The following TNNI3K variants were observed in gnomAD, a reference collection of about 807,000 sequenced individuals.
TNNI3K encodes serine/threonine-protein kinase TNNI3K.
TNNI3K carries 140 observed loss-of-function variants against 114.5 expected under a neutral mutation model. The observed-to-expected ratio is 1.22, with a 90% CI of 1.07 to 1.41. The LOEUF (loss-of-function observed/expected upper bound fraction) is 1.41. TNNI3K is among the 40% of genes most tolerant of loss of function. TNNI3K has a pLI of 0.00. For synonymous variants in TNNI3K, 347 were observed against 347.5 expected (o/e 1.00, Z 0.02); for missense variants, 1,125 against 1,007.6 (o/e 1.12, Z -1.58).
intron 23 of TNNI3K, among the ~76,000 whole-genome samples, chr1:74,516,911 A>G (rs1312390478): frequency 6.6e-6 from 1 of 152,206 alleles, no homozygotes; most frequent in East Asian, 1.9e-4. Context: ...TGTTAACTAC[A>G]TGATAGACAG....
At position 74,470,245 on chromosome 1, in the gene TNNI3K, A is replaced by G. The variant is rs1367835962; in HGVS notation, c.2121+6695A>G. The stretch of plus-strand genomic sequence containing the variant: ...CTCCTCGGCAGAGCTTGCATCATGT[A>G]ATATATATTTTTCACTTGTTCCATT... On this transcript the variant is annotated intron_variant, in intron 21 of 24. Coordinates refer to ENST00000326637, the MANE Select transcript of TNNI3K (RefSeq NM_015978.3). The G allele has an allele frequency of 7.5e-6, 3 of 400,554 alleles. No homozygotes were observed. In the East Asian group the frequency reaches 1.1e-4, roughly 14 times the overall value. The allele number at this position is 400,554 out of a possible 1,614,324, so 24.8% of individuals were successfully genotyped here.
chr1:74,281,333 G>GTGTGT lies in TNNI3K; in HGVS notation c.444+9625_444+9626insTGTGT, dbSNP rs1557471487. ...GATTATACTATCACCCACAATAATA[G>GTGTGT]ATGTGTGTGTGTGTGTGTGTGTGTG... On this transcript the variant is annotated intron_variant, in intron 5 of 24. Transcript: ENST00000326637. 1.5e-4 allele frequency among the ~76,000 whole-genome samples: 3 copies of GTGTGT among 20,016 alleles called. No homozygotes were observed. The Admixed American group carries it at 2.0e-3, about 13-fold the overall frequency. The allele number at this position is 20,016 out of a possible 152,430, so 13.1% of individuals were successfully genotyped here. A position where few individuals can be genotyped will look rare whatever the true frequency, so the allele number is the denominator to read the frequency against.
chr1:74,304,199 A>C (rs965272912), intron 5 of TNNI3K, among the ~76,000 whole-genome samples: 5 of 152,238 alleles, frequency 3.3e-5, no homozygotes, highest in Non-Finnish European at 5.9e-5. Context: ...TACTGTGAGT[A>C]AAATGCTATT....
At chr1:74,435,515 G>A (rs909458709) in intron 17 of TNNI3K, among the ~76,000 whole-genome samples, 1 of 151,936 alleles carries the variant, frequency 6.6e-6, no homozygotes, top group African/African-American at 2.4e-5. Context: ...TGACCTTTAT[G>A]CTATTCTCCT....
At chr1:74,453,457 C>T (rs1003583759) in intron 20 of TNNI3K, among the ~76,000 whole-genome samples, 14 of 152,182 alleles carry the variant, frequency 9.2e-5, no homozygotes, top group East Asian at 7.7e-4. Context: ...CCATTTACAA[C>T]GAGGAACGAA....
intron 21 of TNNI3K, among the ~76,000 whole-genome samples, chr1:74,466,908 C>CT (rs1464494223): frequency 6.6e-6 from 1 of 152,148 alleles, no homozygotes; most frequent in African/African-American, 2.4e-5. Flanking sequence ...TTAAGACCTG[C>CT]TAGTTATATG....
intron 5 of TNNI3K, among the ~76,000 whole-genome samples, chr1:74,294,675 T>G (rs1657875439): frequency 6.6e-6 from 1 of 152,240 alleles, no homozygotes; most frequent in African/African-American, 2.4e-5. Context: ...ATCTCCAAAT[T>G]TATTGGCATA....
chr1:74,490,002 C>T (rs192381222), intron 22 of TNNI3K, among the ~76,000 whole-genome samples: 9 of 143,628 alleles, frequency 6.3e-5, no homozygotes, highest in Admixed American at 2.9e-4. Context: ...GAGATTGCAC[C>T]ACTAAGTCTC....
intron 4 of TNNI3K, among the ~76,000 whole-genome samples, chr1:74,271,227 C>A (rs1570400170): frequency 1.3e-5 from 2 of 151,958 alleles, no homozygotes; most frequent in South Asian, 4.1e-4. Context: ...AACCTTTAAA[C>A]TGTTACTGTA....
intron 5 of TNNI3K, among the ~76,000 whole-genome samples, chr1:74,281,810 T>TC (rs1657032354): frequency 2.6e-5 from 4 of 152,012 alleles, no homozygotes; most frequent in Non-Finnish European, 5.9e-5. Flanking sequence ...TGATTTGTTT[T>TC]ATCATATGGT....
At chr1:74,473,432 G>A (rs1668034362) in intron 21 of TNNI3K, among the ~76,000 whole-genome samples, 1 of 151,946 alleles carries the variant, frequency 6.6e-6, no homozygotes, top group African/African-American at 2.4e-5. Flanking sequence ...TTTTCATCCA[G>A]AGGAAGAAGT....
chr1:74,536,401 A>G (rs1337894204), intron 23 of TNNI3K, among the ~76,000 whole-genome samples: 2 of 152,192 alleles, frequency 1.3e-5, no homozygotes, highest in South Asian at 2.1e-4. Context: ...TCACTAGGAC[A>G]TCTATACCCC....
chr1:74,509,747 CTTTTTTTTTTTT>C (rs68193106), intron 23 of TNNI3K, among the ~76,000 whole-genome samples: 6 of 47,812 alleles, frequency 1.3e-4, no homozygotes, highest in African/African-American at 4.3e-4. Flanking sequence ...ATCTGAATTT[CTTTTTTTTTTTT>C]TTTTTTTTTT....
intron 24 of TNNI3K, among the ~76,000 whole-genome samples, chr1:74,540,761 A>T (rs1398485282): frequency 9.5e-5 from 3 of 31,426 alleles, no homozygotes; most frequent in African/African-American, 2.7e-4. Context: ...ATGTTGGGAG[A>T]GCTGTTCCCC....
At chr1:74,305,248 T>C (rs1233922838) in intron 5 of TNNI3K, among the ~76,000 whole-genome samples, 2 of 152,156 alleles carry the variant, frequency 1.3e-5, no homozygotes, top group African/African-American at 2.4e-5. Flanking sequence ...AGGGGTTCTC[T>C]AAGAGCCAGG....
intron 4 of TNNI3K, among the ~76,000 whole-genome samples, chr1:74,253,701 T>A (rs1655100697): frequency 6.6e-6 from 1 of 150,530 alleles, no homozygotes; most frequent in Admixed American, 6.6e-5. Flanking sequence ...AGCCCCGCCG[T>A]GCGGCCCCAG....
At chr1:74,456,082 A>C (rs1667212344) in intron 20 of TNNI3K, among the ~76,000 whole-genome samples, 1 of 152,220 alleles carries the variant, frequency 6.6e-6, no homozygotes, top group Non-Finnish European at 1.5e-5. Context: ...CAAAGGCTGG[A>C]CTGGAGAAAT....
At chr1:74,347,069 A>G (rs1436217317) in intron 9 of TNNI3K, among the ~76,000 whole-genome samples, 1 of 151,932 alleles carries the variant, frequency 6.6e-6, no homozygotes, top group East Asian at 1.9e-4. Flanking sequence ...TTACATATGT[A>G]TACATGTGCC....
At chr1:74,476,774 C>T (rs544424638) in intron 21 of TNNI3K, among the ~76,000 whole-genome samples, 2 of 152,210 alleles carry the variant, frequency 1.3e-5, no homozygotes, top group East Asian at 3.9e-4. Flanking sequence ...ATTCCAGATT[C>T]TTTGACTGGC....
Sources: allele counts gnomAD v4.1 joint callset (sites outside exome capture counted in the v4.1 genomes callset), GRCh38; gene constraint gnomAD v4.1.1; transcripts MANE v1.5; gene names NCBI Gene and HGNC (gene_info 2026-07-23, HGNC 2026-07-21).